Variants in MAST1 observed in about 807,000 individuals in gnomAD.
The protein encoded by MAST1 is microtubule associated serine/threonine kinase 1.
Under a neutral mutation model 124.6 loss-of-function variants are expected in MAST1, and 40 were observed. That is an observed-to-expected ratio of 0.32 (90% CI 0.25 to 0.42). The LOEUF (loss-of-function observed/expected upper bound fraction) is 0.42. MAST1 is among the 10% of genes least tolerant of loss of function. The pLI, the probability that MAST1 is intolerant of heterozygous loss-of-function variation, is 1.00. For missense variants in MAST1, 1,558 were observed against 2,181.9 expected (o/e 0.71, Z 5.70); for synonymous variants, 938 against 939.4 (o/e 1.00, Z 0.03).
At chr19:12,844,677 G>C (rs992243329) in intron 4 of MAST1, among the ~76,000 whole-genome samples, 62 of 152,128 alleles carry the variant, frequency 4.1e-4, no homozygotes, top group African/African-American at 1.5e-3. Flanking sequence ...ACCTCTAGAG[G>C]CCACAGAACT....
intron 7 of MAST1, 33 bp from the exon 8 acceptor site, chr19:12,851,901 A>T (rs1296200081): frequency 1.9e-6 from 3 of 1,554,060 alleles, no homozygotes; most frequent in East Asian, 4.5e-5. Context: ...CAGAGTGCCT[A>T]TGAGCCCTGT....
At chr19:12,852,926 AAATTT>A (rs1252200369) in intron 10 of MAST1, among the ~76,000 whole-genome samples, 1 of 152,064 alleles carries the variant, frequency 6.6e-6, no homozygotes, top group Non-Finnish European at 1.5e-5. Flanking sequence ...ATGAAACATA[AAATTT>A]AATTTACTTT....
rs543884407 is a variant in MAST1 at position 12,872,011 on chromosome 19, A to G, written c.3263+839A>G. ...TTCTAGGATCAGAGAAAAGCATTGT[A>G]GGAGGGTCTTGCACATATAGGCAGG... On this transcript the variant is annotated intron_variant, in intron 24 of 25. Transcript: ENST00000251472. 8.7e-4 allele frequency among the ~76,000 whole-genome samples: 131 copies of G among 151,378 alleles called. 1 individual carries two copies. Among genetic ancestry groups the G allele is most frequent in the Middle Eastern group, 3.4e-3 (1 of 292 alleles).
chr19:12,864,960 C>T lies in MAST1; in HGVS notation c.1505+13C>T. On this transcript the variant is annotated intron_variant, in intron 13 of 25. Coordinates refer to ENST00000251472, the MANE Select transcript of MAST1 (RefSeq NM_014975.3). ...TCAAGCCTGACAAGTGAGCTTTGAT[C>T]TTTCCCATCACTCCCTCTGTCCCTC... 1 of 1,614,116 alleles carries T rather than the reference C, an allele frequency of 6.2e-7. No individual in the cohort carries two copies. The highest frequency in any genetic ancestry group is 2.2e-5 in the East Asian group (1 of 44,880).
In MAST1 at chr19:12,867,822, C is replaced by T; in HGVS notation, c.2411C>T (p.Pro804Leu). Residue 804 changes from proline (P) to leucine (L), a missense_variant, in exon 20 of 26, where the codon CCC (proline) becomes CTC (leucine). Physicochemically the swap from Pro to Leu is moderately conservative, Grantham distance 98. Transcript: ENST00000251472. ...ARRRFSALLE[P>L]SRFSAPQEDE... Reference sequence around the variant, plus strand: ...CGCCGTTTCTCGGCGCTGCTGGAGCCCAGCCGCTTCAGCGCCCCCCAAGAG... The same window carrying T: ...CGCCGTTTCTCGGCGCTGCTGGAGCTCAGCCGCTTCAGCGCCCCCCAAGAG... 1 of 1,592,736 alleles carries T rather than the reference C, an allele frequency of 6.3e-7. No individual in the cohort carries two copies.
intron 4 of MAST1, among the ~76,000 whole-genome samples, chr19:12,845,113 C>T (rs1969876409): frequency 6.6e-6 from 1 of 151,934 alleles, no homozygotes; most frequent in African/African-American, 2.4e-5. Context: ...ACCAGCCTGG[C>T]CAACATGGTG....
At chr19:12,872,874 C>T (rs1970253827) in intron 24 of MAST1, 1 of 162,642 alleles carries the variant, frequency 6.1e-6, no homozygotes, top group South Asian at 1.5e-4. Flanking sequence ...CATTGCACTC[C>T]AGCCTGGGCG....
intron 12 of MAST1, among the ~76,000 whole-genome samples, chr19:12,863,576 C>T (rs1970112290): frequency 1.3e-5 from 2 of 152,154 alleles, no homozygotes; most frequent in African/African-American, 4.8e-5. Flanking sequence ...GGGCTTCCTT[C>T]TAGACAAGCC....
At chr19:12,852,076 C>T in intron 8 of MAST1, 39 bp from the exon 9 acceptor site, 1 of 1,613,584 alleles carries the variant, frequency 6.2e-7, no homozygotes, top group Non-Finnish European at 8.5e-7. Context: ...TTGGTAGACC[C>T]TGGGAGCCTG....
At chr19:12,853,994 CT>C (rs1969992901) in intron 10 of MAST1, among the ~76,000 whole-genome samples, 1 of 151,372 alleles carries the variant, frequency 6.6e-6, no homozygotes, top group African/African-American at 2.4e-5. Flanking sequence ...AGTTGCAGAA[CT>C]TTTTTATCAC....
intron 23 of MAST1, 31 bp downstream of exon 23, chr19:12,870,977 G>C: frequency 6.2e-6 from 10 of 1,613,528 alleles, no homozygotes; most frequent in Non-Finnish European, 8.5e-6. Context: ...ACCCTGGGCG[G>C]AGGGTGGGGG....
In MAST1 at chr19:12,843,276, G is replaced by A. The variant is rs573795058; in HGVS notation, c.249-253G>A. On this transcript the variant is annotated intron_variant, in intron 3 of 25. Coordinates refer to ENST00000251472, the MANE Select transcript of MAST1 (RefSeq NM_014975.3). This position sits in a 1 kb window ranked among gnomAD's most constrained non-coding sequence, Gnocchi z 4.9. ...CTGGGTGGGGGCTTTTCCAGTTCTCGGTGTCCACTCTGAATGATAAGAGAG... is the reference window on the plus strand; with the variant it reads ...CTGGGTGGGGGCTTTTCCAGTTCTCAGTGTCCACTCTGAATGATAAGAGAG... Among the ~76,000 whole-genome samples, 3 of 152,098 alleles carry A rather than the reference G, an allele frequency of 2.0e-5. No homozygotes were observed. The highest frequency in any genetic ancestry group is 4.4e-5 in the Non-Finnish European group (3 of 67,978).
intron 9 of MAST1, 25 bp from the exon 10 acceptor site, chr19:12,852,303 G>A (rs758249453): frequency 1.1e-5 from 17 of 1,613,996 alleles, no homozygotes; most frequent in Middle Eastern, 1.6e-4. Context: ...AACCCAGCTC[G>A]TGCTCACTCT....
intron 18 of MAST1, 44 bp from the exon 19 acceptor site, chr19:12,867,430 A>G: frequency 6.2e-7 from 1 of 1,608,224 alleles, no homozygotes; most frequent in Admixed American, 1.7e-5. Context: ...CTCCGGAGTG[A>G]AAGTGGAACC....
At chr19:12,840,359 G>A (rs1461890408) in intron 1 of MAST1, 87 bp from the exon 2 acceptor site, 1 of 821,860 alleles carries the variant, frequency 1.2e-6, no homozygotes, top group Admixed American at 2.1e-5. Flanking sequence ...GATAGGCGGG[G>A]ATCTGAGACA....
At chr19:12,842,937 T>G (rs1969849949) in intron 3 of MAST1, among the ~76,000 whole-genome samples, 1 of 152,082 alleles carries the variant, frequency 6.6e-6, no homozygotes, top group African/African-American at 2.4e-5. Context: ...ATGGATGGGA[T>G]AGTCAATACG....
At chr19:12,848,241 G>A in intron 7 of MAST1, 184 bp downstream of exon 7, 1 of 600,150 alleles carries the variant, frequency 1.7e-6, no homozygotes, top group Non-Finnish European at 2.9e-6. Context: ...GAAGAGGCAG[G>A]AATTTCACCT....
intron 22 of MAST1, 23 bp from the exon 23 acceptor site, chr19:12,870,801 C>T: frequency 6.3e-7 from 1 of 1,586,946 alleles, no homozygotes; most frequent in Non-Finnish European, 8.6e-7. Flanking sequence ...TAACCCTGTC[C>T]CTATGGGGTG....
In MAST1 at chr19:12,847,079, AACAG is replaced by A. The variant is rs1173934790; in HGVS notation, c.328-208_328-205del. 6.6e-6 allele frequency among the ~76,000 whole-genome samples: 1 copy of A among 152,020 alleles called. No homozygotes were observed. Among genetic ancestry groups the A allele is most frequent in the African/African-American group, 2.4e-5 (1 of 41,390 alleles). Reference sequence around the variant, plus strand: ...AGGCTCATGACTTGACCCAAGCTTTAACAGACTCACTGTCTCCACCCCTGTCTGT... The same window carrying A: ...AGGCTCATGACTTGACCCAAGCTTTAACTCACTGTCTCCACCCCTGTCTGT... On this transcript the variant is annotated intron_variant, in intron 4 of 25. Transcript: ENST00000251472. The surrounding 1 kb of genome is among the most constrained non-coding windows in gnomAD (Gnocchi z 5.5).
Sources: gnomAD v4.1 joint callset for allele counts (sites outside exome capture counted in the v4.1 genomes callset) on GRCh38, gnomAD v4.1.1 for gene constraint, Gnocchi (gnomAD v3.1) non-coding constraint, MANE v1.5 for transcripts, NCBI Gene and HGNC (gene_info 2026-07-23, HGNC 2026-07-21) for gene names.